Variants in BLOC1S3 observed in about 807,000 individuals in gnomAD.
The protein encoded by BLOC1S3 is biogenesis of lysosomal organelles complex 1 subunit 3, also known as biogenesis of lysosome-related organelles complex 1 subunit 3.
A neutral mutation model predicts 9.1 loss-of-function variants in BLOC1S3; 7 were observed. That is an observed-to-expected ratio of 0.77 (90% CI 0.44 to 1.45). The LOEUF (loss-of-function observed/expected upper bound fraction) is 1.45, where lower values mean the gene tolerates loss of function less well. Among genes scored for constraint, BLOC1S3 ranks in the 40% most tolerant of loss-of-function variants. BLOC1S3 has a pLI of 0.01. For missense variants in BLOC1S3, 307 were observed against 315.2 expected, an observed-to-expected ratio of 0.97 and a Z score of 0.20; for synonymous variants, 145 against 158.4, an observed-to-expected ratio of 0.92 and a Z score of 0.64.
At chr19:45,211,173 T>C (rs1015726478) in intron 3 of BLOC1S3, among the ~76,000 whole-genome samples, 1 of 152,014 alleles carries the variant, frequency 6.6e-6, no homozygotes, top group Non-Finnish European at 1.5e-5. Flanking sequence ...AACTCCTCTC[T>C]TGCTCTTTTG....
intron 3 of BLOC1S3, among the ~76,000 whole-genome samples, chr19:45,209,656 C>G (rs941580879): frequency 6.6e-6 from 1 of 150,774 alleles, no homozygotes; most frequent in African/African-American, 2.4e-5. Flanking sequence ...CTCCTGATCT[C>G]GTGATCCGCC....
chr19:45,179,683 C>A lies in BLOC1S3; in HGVS notation c.387C>A (p.Ser129Arg), dbSNP rs375441987. The part of the protein sequence containing the change: ...RLDHDVAAAV[S>R]GVYRRAGRDV... The stretch of plus-strand genomic sequence containing the variant: ...ACCACGACGTGGCGGCCGCCGTGAG[C>A]GGTGTCTACCGCCGTGCAGGCCGCG... The change falls in exon 2 of 2, where the codon AGC becomes AGA. Residue 129 changes from serine to arginine, a missense_variant. By Grantham distance (110) the Ser-to-Arg change is moderately radical. Transcript: ENST00000433642. The surrounding 1 kb of genome is among the most constrained non-coding windows in gnomAD (Gnocchi z 4.6). 1.1e-5 allele frequency: 16 copies of A among 1,465,988 alleles called. No homozygotes were observed. Among genetic ancestry groups the A allele is most frequent in the East Asian group, 2.9e-5 (1 of 33,924 alleles). The allele number at this position is 1,465,988 out of a possible 1,614,324, so 90.8% of individuals were successfully genotyped here. A position where few individuals can be genotyped will look rare whatever the true frequency, so the allele number is the denominator to read the frequency against.
At position 45,207,555 on chromosome 19, in the gene BLOC1S3, CAAAAAAAAAAAAA is replaced by C. The variant is rs58164218; in HGVS notation, n.282+5067_282+5079del. On this transcript the variant is annotated intron_variant and non_coding_transcript_variant, in intron 3 of 3. Coordinates refer to the BLOC1S3 transcript ENST00000591569. The stretch of plus-strand genomic sequence containing the variant: ...TGGGTGACAGAGCGAGACTCTGTCT[CAAAAAAAAAAAAA>C]AAAAAAAAAAAAAAAAAACCTAGCT... 1.1e-3 allele frequency among the ~76,000 whole-genome samples: 70 copies of C among 64,778 alleles called. 1 individual carries two copies. The highest frequency in any genetic ancestry group is 2.1e-3 in the Non-Finnish European group (60 of 27,928). 42.5% of individuals were successfully genotyped at this position (64,778 alleles called of 152,430 possible).
downstream of BLOC1S3, among the ~76,000 whole-genome samples, chr19:45,183,283 C>T (rs1883083191): frequency 6.6e-6 from 1 of 152,006 alleles, no homozygotes; most frequent in Admixed American, 6.6e-5. Flanking sequence ...AGTTCGAGAC[C>T]AGCCTGGCCA....
intron 3 of BLOC1S3, among the ~76,000 whole-genome samples, chr19:45,210,289 CTTTTTTTTTT>C (rs71173125): frequency 2.7e-4 from 20 of 74,434 alleles, no homozygotes; most frequent in Non-Finnish European, 4.2e-4. Context: ...ACTATTTTAA[CTTTTTTTTTT>C]TTTTTTTTTT....
chr19:45,214,861 C>T (rs958801740), intron 3 of BLOC1S3, among the ~76,000 whole-genome samples: 2 of 152,046 alleles, frequency 1.3e-5, no homozygotes, highest in African/African-American at 2.4e-5. Context: ...TTTAATTATA[C>T]CCCTTACTTA....
intron 2 of BLOC1S3, among the ~76,000 whole-genome samples, chr19:45,191,312 G>T (rs1481319744): frequency 6.6e-6 from 1 of 151,396 alleles, no homozygotes; most frequent in Non-Finnish European, 1.5e-5. Context: ...AGTGAGATAG[G>T]GTTTCTCCAT....
At chr19:45,203,234 C>A (rs928907513) in intron 3 of BLOC1S3, among the ~76,000 whole-genome samples, 2 of 151,326 alleles carry the variant, frequency 1.3e-5, no homozygotes, top group African/African-American at 4.9e-5. Flanking sequence ...CCAGAAATTG[C>A]AGTCCTTGTG....
chr19:45,202,504 T>G (rs1384613077), exon 3 of BLOC1S3: 1 of 152,770 alleles, frequency 6.5e-6, no homozygotes, highest in Non-Finnish European at 1.5e-5. Context: ...TCAGTCAGCT[T>G]GTGGTGAGTG....
chr19:45,209,234 A>G (rs1001626195), intron 3 of BLOC1S3, among the ~76,000 whole-genome samples: 2 of 151,202 alleles, frequency 1.3e-5, no homozygotes, highest in African/African-American at 2.4e-5. Flanking sequence ...TTTTTAGTAG[A>G]GATGGGGTTT....
rs146511631 is a variant in BLOC1S3, at chr19:45,208,142, G to A, written n.282+5635G>A. On this transcript the variant is annotated intron_variant and non_coding_transcript_variant, in intron 3 of 3. Coordinates refer to the BLOC1S3 transcript ENST00000591569. ...GGCACCTGCCACCACGCCCAGCTAA[G>A]TTTTGTATTTTTAGTAGAGACGGGT... 7.7e-3 allele frequency among the ~76,000 whole-genome samples: 1,167 copies of A among 151,648 alleles called. 12 individuals carry two copies. Among genetic ancestry groups the A allele is most frequent in the African/African-American group, 0.026 (1,082 of 41,426 alleles).
At chr19:45,204,952 T>C (rs900560375) in intron 3 of BLOC1S3, among the ~76,000 whole-genome samples, 9 of 152,086 alleles carry the variant, frequency 5.9e-5, no homozygotes, top group African/African-American at 2.2e-4. Flanking sequence ...TAGGCTGGTC[T>C]CAAACTCCTG....
rs137978317 is a variant in BLOC1S3, at chr19:45,211,988, G to A, written n.283-4688G>A. On this transcript the variant is annotated intron_variant and non_coding_transcript_variant, in intron 3 of 3. Coordinates refer to the BLOC1S3 transcript ENST00000591569. The stretch of plus-strand genomic sequence containing the variant: ...TTTTCCCACCCCGAGACTTTCCTGC[G>A]TCAACCCAGGAGGGCGCCCTGGATG... Among the ~76,000 whole-genome samples, 28 of 152,192 alleles carry A rather than the reference G, an allele frequency of 1.8e-4. No homozygotes were observed. In the East Asian group the frequency reaches 4.6e-3, roughly 25 times the overall value.
rs1969478651 is a variant in BLOC1S3 at position 45,179,563 on chromosome 19, GGCGGAGGAGGCCTGGGGC to G, written c.268_285del (p.Ala90_Gly95del). On this transcript the variant is annotated inframe_deletion, in exon 2 of 2. Coordinates refer to ENST00000433642, the MANE Select transcript of BLOC1S3 (RefSeq NM_212550.5). The surrounding 1 kb of genome is among the most constrained non-coding windows in gnomAD (Gnocchi z 4.6). ...CTCCACTCGTGGTGCAGCGGGAATCGGCGGAGGAGGCCTGGGGCACGGAGGAGGCCCCGGCGCCCGCCC... is the reference window on the plus strand; with the variant it reads ...CTCCACTCGTGGTGCAGCGGGAATCGACGGAGGAGGCCCCGGCGCCCGCCC... 6.6e-7 allele frequency: 1 copy of G among 1,516,812 alleles called. No individual in the cohort carries two copies. Among genetic ancestry groups the G allele is most frequent in the Non-Finnish European group, 8.8e-7 (1 of 1,139,924 alleles). 94.0% of individuals were successfully genotyped at this position (1,516,812 alleles called of 1,614,324 possible). A position where few individuals can be genotyped will look rare whatever the true frequency, so the allele number is the denominator to read the frequency against.
intron 2 of BLOC1S3, among the ~76,000 whole-genome samples, chr19:45,194,932 CTTT>C (rs112584333): frequency 5.0e-5 from 7 of 140,164 alleles, no homozygotes; most frequent in Admixed American, 7.1e-5. Flanking sequence ...GTGTGTTATA[CTTT>C]TTTTTTTTTT....
In BLOC1S3 at chr19:45,179,114, C is replaced by A; in HGVS notation, c.-9-174C>A. 1.6e-6 allele frequency: 1 copy of A among 625,588 alleles called. No homozygotes were observed. The highest frequency in any genetic ancestry group is 2.5e-6 in the Non-Finnish European group (1 of 402,370). 38.8% of individuals were successfully genotyped at this position (625,588 alleles called of 1,614,324 possible). Reference sequence around the variant, plus strand: ...ATCTGTACGCTGAAGAGCCTGGGGTCCAGTAACCCCCATCATCACCCAGTT... The same window carrying A: ...ATCTGTACGCTGAAGAGCCTGGGGTACAGTAACCCCCATCATCACCCAGTT... On this transcript the variant is annotated intron_variant, in intron 1 of 1. Transcript: ENST00000433642. This position sits in a 1 kb window ranked among gnomAD's most constrained non-coding sequence, Gnocchi z 4.6.
At chr19:45,197,824 CAAAAAAA>C (rs55654938) in intron 2 of BLOC1S3, among the ~76,000 whole-genome samples, 6 of 63,588 alleles carry the variant, frequency 9.4e-5, no homozygotes, top group Admixed American at 8.4e-4. Flanking sequence ...GACTCCGTCT[CAAAAAAA>C]AAAAAAAAAA....
chr19:45,195,224 T>C (rs1188694330), intron 2 of BLOC1S3, among the ~76,000 whole-genome samples: 1 of 151,904 alleles, frequency 6.6e-6, no homozygotes, highest in Non-Finnish European at 1.5e-5. Context: ...TTTATTCTTT[T>C]TGAGGCAGGG....
intron 2 of BLOC1S3, among the ~76,000 whole-genome samples, chr19:45,191,691 A>G (rs1969608473): frequency 6.6e-6 from 1 of 152,238 alleles, no homozygotes; most frequent in Non-Finnish European, 1.5e-5. Flanking sequence ...TTGTAGAGAC[A>G]CTGCCTTGGT....
Sources: gnomAD v4.1 joint callset for allele counts (sites outside exome capture counted in the v4.1 genomes callset) on GRCh38, gnomAD v4.1.1 for gene constraint, Gnocchi (gnomAD v3.1) non-coding constraint, MANE v1.5 for transcripts, NCBI Gene and HGNC (gene_info 2026-07-23, HGNC 2026-07-21) for gene names.